Variants in SND1 observed in about 807,000 individuals in gnomAD.
The protein encoded by SND1 is staphylococcal nuclease domain-containing protein 1.
A neutral mutation model predicts 121.7 loss-of-function variants in SND1; 38 were observed. That is an observed-to-expected ratio of 0.31 (90% CI 0.24 to 0.41). The LOEUF (loss-of-function observed/expected upper bound fraction) is 0.41, where lower values mean the gene tolerates loss of function less well. Ranked by LOEUF, SND1 falls within the 10% of genes least tolerant of loss-of-function variation. SND1 has a pLI of 1.00. For synonymous variants in SND1, 401 were observed against 447.4 expected (o/e 0.90, Z 1.31); for missense variants, 868 against 1,184.6 (o/e 0.73, Z 3.92).
At chr7:127,756,834 GTTCTC>G (rs1251663561) in intron 10 of SND1, among the ~76,000 whole-genome samples, 1 of 152,078 alleles carries the variant, frequency 6.6e-6, no homozygotes, top group Non-Finnish European at 1.5e-5. Flanking sequence ...GAATTTTCAG[GTTCTC>G]TTCCTAATAC....
chr7:127,675,814 C>T (rs963869289), intron 1 of SND1, among the ~76,000 whole-genome samples: 1 of 152,218 alleles, frequency 6.6e-6, no homozygotes, highest in African/African-American at 2.4e-5. Flanking sequence ...TTAAATGACA[C>T]TTCACATTTG....
chr7:127,967,631 A>G (rs1312818395), intron 15 of SND1, among the ~76,000 whole-genome samples: 5 of 152,154 alleles, frequency 3.3e-5, no homozygotes, highest in African/African-American at 9.7e-5. Flanking sequence ...CACTCCTGCC[A>G]TGCTCTTTAG....
Position 128,023,265 on chromosome 7 carries a change from C to A in SND1, c.1779+32209C>A, listed in dbSNP as rs1803398877. Among the ~76,000 whole-genome samples the A allele has an allele frequency of 1.3e-5, 2 of 152,188 alleles. 1 individual carries two copies. The highest frequency in any genetic ancestry group is 1.3e-4 in the Admixed American group (2 of 15,292). ...TGCTCGGAAGCCCCACCGGCCCTTTCAGTGCTACCTTCTTCCTCCTAGTGC... is the reference window on the plus strand; with the variant it reads ...TGCTCGGAAGCCCCACCGGCCCTTTAAGTGCTACCTTCTTCCTCCTAGTGC... On this transcript the variant is annotated intron_variant, in intron 16 of 23. Coordinates refer to ENST00000354725, the MANE Select transcript of SND1 (RefSeq NM_014390.4).
intron 14 of SND1, among the ~76,000 whole-genome samples, chr7:127,926,764 T>TAGTA (rs1563060633): frequency 1.3e-5 from 2 of 150,220 alleles, no homozygotes; most frequent in African/African-American, 5.0e-5. Context: ...TTGTTGTTGT[T>TAGTA]GTACTTTTAG....
chr7:127,732,876 A>G (rs1796704417), intron 10 of SND1, among the ~76,000 whole-genome samples: 1 of 152,200 alleles, frequency 6.6e-6, no homozygotes, highest in Admixed American at 6.5e-5. Context: ...GGTATGGCAC[A>G]GTGTTCTTCA....
chr7:127,750,535 G>A (rs922496245), intron 10 of SND1, among the ~76,000 whole-genome samples: 10 of 152,208 alleles, frequency 6.6e-5, no homozygotes, highest in African/African-American at 2.2e-4. Flanking sequence ...TTTATTCAAT[G>A]AAACATATGA....
At chr7:127,857,182 A>AATTTT in intron 12 of SND1, among the ~76,000 whole-genome samples, 1 of 88,230 alleles carries the variant, frequency 1.1e-5, no homozygotes, top group Non-Finnish European at 2.5e-5. Flanking sequence ...AAATGTCAAC[A>AATTTT]CTTTTTTTTT....
chr7:128,053,093 TTTAGAGAGTCTCA>T (rs1417412470), intron 16 of SND1, among the ~76,000 whole-genome samples: 2 of 152,226 alleles, frequency 1.3e-5, no homozygotes, highest in Admixed American at 1.3e-4. Flanking sequence ...GAAGGGTCTC[TTTAGAGAGTCTCA>T]TTAGAGACAC....
Position 127,723,743 on chromosome 7 carries a change from A to C in SND1, c.1152+2343A>C, listed in dbSNP as rs543883707. ...TCTCTAGGCCAGCGCTGTCCAACAG[A>C]TATATAAATATGAGCCACACATGTG... On this transcript the variant is annotated intron_variant, in intron 10 of 23. Coordinates refer to ENST00000354725, the MANE Select transcript of SND1 (RefSeq NM_014390.4). Among the ~76,000 whole-genome samples the C allele has an allele frequency of 2.6e-5, 4 of 152,280 alleles. No homozygotes were observed. The South Asian group carries it at 8.3e-4, about 32-fold the overall frequency.
intron 15 of SND1, among the ~76,000 whole-genome samples, chr7:127,957,765 A>G (rs560820867): frequency 3.3e-4 from 50 of 152,252 alleles, no homozygotes; most frequent in African/African-American, 1.1e-3. Context: ...CAGTGGCTCA[A>G]TCTCGGCTCA....
intron 15 of SND1, among the ~76,000 whole-genome samples, chr7:127,967,120 C>T (rs1209818766): frequency 2.0e-5 from 3 of 152,132 alleles, no homozygotes; most frequent in Non-Finnish European, 4.4e-5. Flanking sequence ...CCTCGGTTTC[C>T]CCCATGCTCC....
intron 14 of SND1, among the ~76,000 whole-genome samples, chr7:127,909,346 C>G (rs549175595): frequency 6.6e-6 from 1 of 152,022 alleles, no homozygotes; most frequent in Non-Finnish European, 1.5e-5. Context: ...CTCCTTTGGA[C>G]GTTTAATCAC....
rs2117064694 is a variant in SND1, at chr7:128,084,915, A to G, written c.2234+68A>G. ...GATAGCAGGGCTGTCCTCAGGCCTC[A>G]GGTGTTGCCTTAGCAGTCTGGTTTC... On this transcript the variant is annotated intron_variant, in intron 19 of 23. Coordinates refer to ENST00000354725, the MANE Select transcript of SND1 (RefSeq NM_014390.4). The G allele has an allele frequency of 2.0e-6, 3 of 1,494,304 alleles. No homozygotes were observed. The Admixed American group carries it at 5.9e-5, about 30-fold the overall frequency. 92.6% of individuals were successfully genotyped at this position (1,494,304 alleles called of 1,614,324 possible). A position where few individuals can be genotyped will look rare whatever the true frequency, so the allele number is the denominator to read the frequency against.
At chr7:128,020,270 G>A (rs1584741240) in intron 16 of SND1, among the ~76,000 whole-genome samples, 1 of 152,312 alleles carries the variant, frequency 6.6e-6, no homozygotes, top group Middle Eastern at 3.4e-3. Context: ...GGTGGGAAAG[G>A]CCTTCCCCCC....
chr7:127,858,009 C>T, intron 12 of SND1: 2 of 1,453,934 alleles, frequency 1.4e-6, no homozygotes, highest in Non-Finnish European at 1.9e-6. Flanking sequence ...CCCCCGGGTT[C>T]TCCCACTTAT....
rs993086828 is a variant in SND1, at chr7:127,763,972, G to GT, written c.1152+42573dup. Among the ~76,000 whole-genome samples the GT allele has an allele frequency of 3.3e-5, 5 of 149,462 alleles. No individual in the cohort carries two copies. The Admixed American group carries it at 3.4e-4, about 10-fold the overall frequency. Reference sequence around the variant, plus strand: ...AGTCCCAGCTACTTTGGAGGCTGAGGTGGTTGCAGTGAGCTATGACTGAGC... The same window carrying GT: ...AGTCCCAGCTACTTTGGAGGCTGAGGTTGGTTGCAGTGAGCTATGACTGAGC... On this transcript the variant is annotated intron_variant, in intron 10 of 23. Coordinates refer to ENST00000354725, the MANE Select transcript of SND1 (RefSeq NM_014390.4).
chr7:127,720,209 C>T (rs984035751), intron 9 of SND1, among the ~76,000 whole-genome samples: 12 of 152,116 alleles, frequency 7.9e-5, no homozygotes, highest in Non-Finnish European at 1.5e-4. Flanking sequence ...TTTTGTTTCA[C>T]GCATGAAAGA....
At chr7:127,853,389 C>T (rs1445628044) in intron 12 of SND1, among the ~76,000 whole-genome samples, 2 of 152,102 alleles carry the variant, frequency 1.3e-5, no homozygotes, top group African/African-American at 2.4e-5. Context: ...ACAGTAACTT[C>T]CTTTAGTGTA....
Position 128,029,058 on chromosome 7 carries a change from ATCTTGGTGG to A in SND1, c.1779+38007_1779+38015del. 6.2e-7 allele frequency: 1 copy of A among 1,614,038 alleles called. No homozygotes were observed. Among genetic ancestry groups the A allele is most frequent in the Non-Finnish European group, 8.5e-7 (1 of 1,180,016 alleles). On this transcript the variant is annotated intron_variant, in intron 16 of 23. Coordinates refer to ENST00000354725, the MANE Select transcript of SND1 (RefSeq NM_014390.4). The surrounding 1 kb of genome is among the most constrained non-coding windows in gnomAD (Gnocchi z 4.2). ...CACTGCCACAAAGCAGCCAATGATG[ATCTTGGTGG>A]TCTTCATGACTTCATCCAGGCTGGT...
Sources: gnomAD v4.1 joint callset for allele counts (sites outside exome capture counted in the v4.1 genomes callset) on GRCh38, gnomAD v4.1.1 for gene constraint, Gnocchi (gnomAD v3.1) non-coding constraint, MANE v1.5 for transcripts, NCBI Gene and HGNC (gene_info 2026-07-23, HGNC 2026-07-21) for gene names.